The following OVCH1 variants were observed in gnomAD, a reference collection of about 807,000 sequenced individuals.
The protein encoded by OVCH1 is ovochymase 1.
A neutral mutation model predicts 138.4 loss-of-function variants in OVCH1; 139 were observed. The observed-to-expected ratio is 1.00, with a 90% CI of 0.87 to 1.16. The LOEUF (loss-of-function observed/expected upper bound fraction) is 1.16, where lower values mean the gene tolerates loss of function less well. Ranked by LOEUF, OVCH1 falls within the 50% of genes most tolerant of loss-of-function variation. The probability of loss-of-function intolerance (pLI) is 0.00; values close to 1 mark genes in which losing one functional copy is unlikely to be tolerated. For synonymous variants in OVCH1, 453 were observed against 467.8 expected, an observed-to-expected ratio of 0.97 and a Z score of 0.41; for missense variants, 1,367 against 1,357.9, an observed-to-expected ratio of 1.01 and a Z score of -0.11.
chr12:29,437,667 G>A (rs1476657190), intron 26 of OVCH1, among the ~76,000 whole-genome samples: 3 of 152,106 alleles, frequency 2.0e-5, no homozygotes, highest in Admixed American at 6.5e-5. Flanking sequence ...GTAAAGAGAT[G>A]GCCAGAGGAT....
intron 19 of OVCH1, among the ~76,000 whole-genome samples, chr12:29,460,934 A>G (rs1437217145): frequency 6.6e-6 from 1 of 152,232 alleles, no homozygotes; most frequent in Non-Finnish European, 1.5e-5. Flanking sequence ...GTTAATGACA[A>G]TAAACTTATA....
chr12:29,493,622 G>A (rs1943332558), intron 4 of OVCH1, among the ~76,000 whole-genome samples: 1 of 152,108 alleles, frequency 6.6e-6, no homozygotes, highest in Non-Finnish European at 1.5e-5. Context: ...TAACCTGGTA[G>A]ATAAATATTC....
At chr12:29,475,698 C>A (rs1942682999) in intron 13 of OVCH1, among the ~76,000 whole-genome samples, 1 of 152,146 alleles carries the variant, frequency 6.6e-6, no homozygotes, top group South Asian at 2.1e-4. Context: ...AAACATCCAG[C>A]TGAGGGACAG....
chr12:29,475,073 TG>T lies in OVCH1; in HGVS notation c.1587del (p.Ile530PhefsTer7). On this transcript the variant is annotated frameshift_variant, in exon 14 of 28. Coordinates refer to ENST00000318184, the Ensembl canonical transcript of OVCH1. LOFTEE classifies it high-confidence loss of function. ...TGTTTATACTCACCTGAGGGCAAAA[TG>T]GTAAATCTGGCCTTGAAGCCTTGTA... 2 of 1,585,980 alleles carry T rather than the reference TG, an allele frequency of 1.3e-6. No individual in the cohort carries two copies. The highest frequency in any genetic ancestry group is 1.1e-5 in the South Asian group (1 of 86,996).
At chr12:29,443,233 T>C in intron 25 of OVCH1, 128 bp downstream of exon 25, 1 of 889,806 alleles carries the variant, frequency 1.1e-6, no homozygotes. Flanking sequence ...ACAGTAAGTC[T>C]ATTTCAACAT....
chr12:29,497,004 T>C (rs7312350), intron 1 of OVCH1, among the ~76,000 whole-genome samples: 5,868 of 152,192 alleles, frequency 0.039, 386 homozygotes, highest in African/African-American at 0.13. Context: ...CATGCAGTGG[T>C]TCCCGCCTGT....
intron 8 of OVCH1, among the ~76,000 whole-genome samples, chr12:29,483,085 C>T (rs1426190330): frequency 1.3e-5 from 2 of 151,974 alleles, no homozygotes; most frequent in African/African-American, 2.4e-5. Context: ...TAAATCAAGA[C>T]ACTTCCCTCC....
chr12:29,462,079 G>A, intron 18 of OVCH1, 71 bp from the exon 19 acceptor site: 1 of 1,508,102 alleles, frequency 6.6e-7, no homozygotes, highest in Non-Finnish European at 9.1e-7. Context: ...ATGTATTTAA[G>A]TTCAGATGTA....
At chr12:29,429,545 A>T (rs1941233877) in intron 27 of OVCH1, among the ~76,000 whole-genome samples, 3 of 152,366 alleles carry the variant, frequency 2.0e-5, no homozygotes, top group South Asian at 4.1e-4. Context: ...ATAAATTTAC[A>T]AAGTAGAATT....
At chr12:29,449,665 G>T (rs1279890656) in intron 22 of OVCH1, among the ~76,000 whole-genome samples, 2 of 151,840 alleles carry the variant, frequency 1.3e-5, no homozygotes, top group African/African-American at 4.8e-5. Flanking sequence ...TGTTATATTG[G>T]TGTATAGAAA....
intron 3 of OVCH1, among the ~76,000 whole-genome samples, chr12:29,414,038 T>C (rs1407817507): frequency 1.4e-5 from 2 of 146,820 alleles, no homozygotes; most frequent in Non-Finnish European, 3.0e-5. Context: ...TTTTTTTTTT[T>C]TTTTGGAGTA....
chr12:29,496,106 T>C, intron 3 of OVCH1, 75 bp downstream of exon 3: 1 of 1,331,216 alleles, frequency 7.5e-7, no homozygotes, highest in Non-Finnish European at 1.1e-6. Context: ...ATGAACCTGC[T>C]ATTTAGAGCA....
chr12:29,464,565 T>C (rs769798843), exon 18 of OVCH1: 5 of 1,613,654 alleles, frequency 3.1e-6, no homozygotes, highest in Non-Finnish European at 4.2e-6. Flanking sequence ...ATAGAGGCTC[T>C]GCGCTGTGTG....
chr12:29,471,195 C>A (rs1300742922), intron 16 of OVCH1, among the ~76,000 whole-genome samples: 3 of 152,132 alleles, frequency 2.0e-5, no homozygotes, highest in Non-Finnish European at 4.4e-5. Context: ...ACATTAATAT[C>A]TATTCTTTAA....
At chr12:29,410,549 T>G, downstream of OVCH1, among the ~76,000 whole-genome samples, 1 of 109,004 alleles carries the variant, frequency 9.2e-6, no homozygotes, top group Non-Finnish European at 2.2e-5. Flanking sequence ...TAAAGTATTT[T>G]ATTTCTCCTT....
intron 3 of OVCH1, among the ~76,000 whole-genome samples, chr12:29,419,328 C>A (rs1941072066): frequency 6.6e-6 from 1 of 151,364 alleles, no homozygotes; most frequent in African/African-American, 2.4e-5. Flanking sequence ...CATTCTGTCA[C>A]CCAGGCTGGA....
At chr12:29,493,875 C>T (rs772368517) in intron 4 of OVCH1, among the ~76,000 whole-genome samples, 2 of 152,166 alleles carry the variant, frequency 1.3e-5, no homozygotes, top group Non-Finnish European at 2.9e-5. Flanking sequence ...TGTTTCTGTG[C>T]TCGAATTCAT....
intron 16 of OVCH1, among the ~76,000 whole-genome samples, chr12:29,467,275 A>T (rs974024502): frequency 1.3e-5 from 2 of 152,218 alleles, no homozygotes; most frequent in African/African-American, 4.8e-5. Flanking sequence ...CAATGAAGTA[A>T]TAAGAATGAT....
chr12:29,457,529 G>A (rs11611830), intron 19 of OVCH1, among the ~76,000 whole-genome samples: 5,637 of 149,568 alleles, frequency 0.038, 146 homozygotes, highest in Non-Finnish European at 0.059. Context: ...TTAGCCTCCC[G>A]AGTAGCTGGG....
Sources: gnomAD v4.1 joint callset for allele counts (sites outside exome capture counted in the v4.1 genomes callset) on GRCh38, gnomAD v4.1.1 for gene constraint, MANE v1.5 for transcripts, NCBI Gene and HGNC (gene_info 2026-07-23, HGNC 2026-07-21) for gene names.